The following TCF12 variants were observed in gnomAD, a reference collection of about 807,000 sequenced individuals.
The protein encoded by TCF12 is DNA-binding protein HTF4.
Under a neutral mutation model 86.0 loss-of-function variants are expected in TCF12, and 45 were observed. The observed-to-expected ratio is 0.52, with a 90% CI of 0.41 to 0.67. The LOEUF (loss-of-function observed/expected upper bound fraction) is 0.67, where lower values mean the gene tolerates loss of function less well. Among genes scored for constraint, TCF12 ranks in the 30% least tolerant of loss-of-function variants. TCF12 has a pLI of 0.00. For synonymous variants in TCF12, 330 were observed against 299.6 expected (o/e 1.10, Z -1.05); for missense variants, 881 against 859.9 (o/e 1.02, Z -0.31).
intron 3 of TCF12, among the ~76,000 whole-genome samples, chr15:56,937,585 G>T (rs1443020881): frequency 1.3e-5 from 2 of 151,572 alleles, no homozygotes; most frequent in Non-Finnish European, 2.9e-5. Context: ...GGACTATATT[G>T]AATAGAAGTG....
At chr15:56,994,375 A>C (rs954351154) in intron 3 of TCF12, among the ~76,000 whole-genome samples, 10 of 152,278 alleles carry the variant, frequency 6.6e-5, no homozygotes, top group African/African-American at 2.4e-4. Flanking sequence ...TGGAAGAGGT[A>C]GTCAACATAT....
chr15:56,948,218 C>T (rs531607346), intron 3 of TCF12, among the ~76,000 whole-genome samples: 1 of 151,952 alleles, frequency 6.6e-6, no homozygotes, highest in East Asian at 1.9e-4. Context: ...ACCTCCTGGG[C>T]TGAATTGATC....
At chr15:56,950,521 T>C (rs1222035058) in intron 3 of TCF12, among the ~76,000 whole-genome samples, 2 of 151,552 alleles carry the variant, frequency 1.3e-5, no homozygotes, top group African/African-American at 2.4e-5. Flanking sequence ...CCACTGCGCC[T>C]GGGTGCATTT....
At chr15:57,007,336 A>T (rs2064442723) in intron 3 of TCF12, among the ~76,000 whole-genome samples, 1 of 152,246 alleles carries the variant, frequency 6.6e-6, no homozygotes, top group Admixed American at 6.5e-5. Context: ...GTAGAAAGAC[A>T]TTCCTAGCAA....
chr15:57,075,625 C>G (rs2069823554), intron 4 of TCF12, among the ~76,000 whole-genome samples: 1 of 151,934 alleles, frequency 6.6e-6, no homozygotes, highest in African/African-American at 2.4e-5. Flanking sequence ...ACCTCCAGGA[C>G]ATATTGTATA....
chr15:57,064,910 A>G (rs1167541970), intron 4 of TCF12, among the ~76,000 whole-genome samples: 1 of 152,112 alleles, frequency 6.6e-6, no homozygotes, highest in Non-Finnish European at 1.5e-5. Context: ...AGACAAGCAT[A>G]AGATTTATGG....
chr15:57,096,305 A>G (rs2049318584), intron 5 of TCF12, among the ~76,000 whole-genome samples: 1 of 152,174 alleles, frequency 6.6e-6, no homozygotes, highest in South Asian at 2.1e-4. Context: ...CCAAAATCAC[A>G]TTAGGCACAG....
intron 4 of TCF12, among the ~76,000 whole-genome samples, chr15:57,066,664 A>G (rs1457270359): frequency 2.0e-5 from 3 of 152,218 alleles, no homozygotes; most frequent in Non-Finnish European, 2.9e-5. Context: ...TGGAGATACA[A>G]TATACCTGCT....
chr15:57,024,139 C>T (rs537960723), intron 3 of TCF12, among the ~76,000 whole-genome samples: 1 of 149,760 alleles, frequency 6.7e-6, no homozygotes, highest in Admixed American at 6.7e-5. Context: ...TAACTGTGAA[C>T]AATGTGTTAG....
chr15:57,109,077 G>A (rs2050319765), intron 5 of TCF12, among the ~76,000 whole-genome samples: 1 of 152,152 alleles, frequency 6.6e-6, no homozygotes, highest in Non-Finnish European at 1.5e-5. Context: ...ACCACCTCTT[G>A]CTTAAAAAGA....
chr15:57,060,745 AT>A (rs1246890274), intron 3 of TCF12, among the ~76,000 whole-genome samples: 3 of 152,044 alleles, frequency 2.0e-5, no homozygotes, highest in Admixed American at 6.6e-5. Context: ...GTCAATAGGT[AT>A]TTTTTTCAGA....
In TCF12 at chr15:57,206,582, C is replaced by CTTTTTTT. The variant is rs67531540; in HGVS notation, c.579+8774_579+8780dup. On this transcript the variant is annotated intron_variant, in intron 8 of 20. Transcript: ENST00000333725. ...ATTAAGATCCACTACCTTGTATTCT[C>CTTTTTTT]TTTTTTTTTTTTTTTTTTTTTTTCT... 2.0e-4 allele frequency among the ~76,000 whole-genome samples: 17 copies of CTTTTTTT among 83,834 alleles called. 1 individual carries two copies. Among genetic ancestry groups the CTTTTTTT allele is most frequent in the Non-Finnish European group, 1.8e-4 (8 of 43,450 alleles). The allele number at this position is 83,834 out of a possible 152,430, so 55.0% of individuals were successfully genotyped here.
intron 3 of TCF12, among the ~76,000 whole-genome samples, chr15:57,013,357 C>T (rs2141182223): frequency 6.6e-6 from 1 of 152,312 alleles, no homozygotes; most frequent in Non-Finnish European, 1.5e-5. Context: ...GTCACCCAGG[C>T]TGGAGTGCAA....
chr15:56,968,619 T>C (rs1220343834), intron 3 of TCF12, among the ~76,000 whole-genome samples: 4 of 152,224 alleles, frequency 2.6e-5, no homozygotes, highest in Non-Finnish European at 5.9e-5. Context: ...TGGCTTTGGC[T>C]TTTATTCTGA....
At chr15:57,125,122 G>A (rs1413988483) in intron 5 of TCF12, among the ~76,000 whole-genome samples, 2 of 152,140 alleles carry the variant, frequency 1.3e-5, no homozygotes, top group African/African-American at 2.4e-5. Flanking sequence ...ATCCCACTGA[G>A]GACAGATAGC....
rs939016035 is a variant in TCF12 at position 57,284,712 on chromosome 15, C to G, written c.*12-1445C>G. Among the ~76,000 whole-genome samples, 4 of 152,230 alleles carry G rather than the reference C, an allele frequency of 2.6e-5. 1 individual carries two copies. The highest frequency in any genetic ancestry group is 4.4e-5 in the Non-Finnish European group (3 of 68,036). On this transcript the variant is annotated intron_variant, in intron 20 of 20. Transcript: ENST00000333725. ...CTCTTGGAGCCTGTGTCTTATTTTTCTTGTCTCGCTCTAGTTAGTTCTACC... is the reference window on the plus strand; with the variant it reads ...CTCTTGGAGCCTGTGTCTTATTTTTGTTGTCTCGCTCTAGTTAGTTCTACC...
At chr15:57,285,199 G>T (rs1282937408) in intron 20 of TCF12, among the ~76,000 whole-genome samples, 2 of 152,172 alleles carry the variant, frequency 1.3e-5, no homozygotes, top group South Asian at 2.1e-4. Flanking sequence ...GGTTATAAAC[G>T]TACAAAAATT....
At chr15:57,282,096 C>A in intron 19 of TCF12, 7 of 316,234 alleles carry the variant, frequency 2.2e-5, no homozygotes, top group South Asian at 1.9e-4. Flanking sequence ...GCATTCATGT[C>A]AATTCAGTGT....
chr15:57,017,752 A>G (rs1415076586), intron 3 of TCF12, among the ~76,000 whole-genome samples: 3 of 146,996 alleles, frequency 2.0e-5, no homozygotes, highest in Non-Finnish European at 4.5e-5. Context: ...TTGCCTGAAC[A>G]TTGCCTCATT....
Sources: gnomAD v4.1 joint callset for allele counts (sites outside exome capture counted in the v4.1 genomes callset) on GRCh38, gnomAD v4.1.1 for gene constraint, MANE v1.5 for transcripts, NCBI Gene and HGNC (gene_info 2026-07-23, HGNC 2026-07-21) for gene names.